Variants in CDKL3 observed in about 807,000 individuals in gnomAD.
CDKL3 encodes the protein cyclin dependent kinase like 3.
CDKL3 carries 65 observed loss-of-function variants against 69.3 expected under a neutral mutation model. The observed-to-expected ratio is 0.94, with a 90% CI of 0.77 to 1.15. CDKL3 has a LOEUF of 1.15. Among genes scored for constraint, CDKL3 ranks in the 50% most tolerant of loss-of-function variants. CDKL3 has a pLI of 0.00. For missense variants in CDKL3, 652 were observed against 689.2 expected (o/e 0.95, Z 0.61); for synonymous variants, 202 against 221.6 (o/e 0.91, Z 0.79).
upstream of CDKL3, chr5:134,371,473 TCGGCGG>T (rs34763898): frequency 4.4e-4 from 503 of 1,143,658 alleles, 2 homozygotes; most frequent in Middle Eastern, 1.2e-3. Context: ...TTTGTCAGTC[TCGGCGG>T]CGGCGGCGGC....
At chr5:134,313,747 T>G (rs60392848) in intron 6 of CDKL3, among the ~76,000 whole-genome samples, 9 of 92,574 alleles carry the variant, frequency 9.7e-5, no homozygotes, top group African/African-American at 7.1e-4. Context: ...TTATGTGGGG[T>G]TTTTTTTTTA....
At chr5:134,296,276 T>C (rs564385552), downstream of CDKL3, among the ~76,000 whole-genome samples, 4 of 152,238 alleles carry the variant, frequency 2.6e-5, no homozygotes, top group South Asian at 4.1e-4. Flanking sequence ...AGGAATTTTA[T>C]TGGTGATACC....
intron 5 of CDKL3, among the ~76,000 whole-genome samples, chr5:134,321,190 T>G (rs1398680441): frequency 6.6e-6 from 1 of 151,718 alleles, no homozygotes; most frequent in African/African-American, 2.4e-5. Context: ...TTTTGTATTT[T>G]TAGTAGAGAT....
Position 134,363,998 on chromosome 5 carries a change from T to C in CDKL3, c.165+2361A>G, listed in dbSNP as rs1378882536. The stretch of plus-strand genomic sequence containing the variant: ...AAAAAAGAGAGAGAAAGAAGGCAAA[T>C]TGATCCATCATATCTCATATAGACT... On this transcript the variant is annotated intron_variant, in intron 2 of 12. Coordinates refer to ENST00000265334, the MANE Select transcript of CDKL3 (RefSeq NM_001113575.2). 2.1e-5 allele frequency among the ~76,000 whole-genome samples: 3 copies of C among 146,176 alleles called. No homozygotes were observed. The East Asian group carries it at 5.9e-4, about 29-fold the overall frequency.
At chr5:134,343,182 G>T (rs573570895) in intron 4 of CDKL3, among the ~76,000 whole-genome samples, 3 of 150,850 alleles carry the variant, frequency 2.0e-5, no homozygotes, top group Admixed American at 1.3e-4. Flanking sequence ...TCCAGCCTGG[G>T]CAACAGAGTG....
At chr5:134,302,417 G>C (rs189601100) in intron 12 of CDKL3, among the ~76,000 whole-genome samples, 173 bp downstream of exon 12, 2 of 152,226 alleles carry the variant, frequency 1.3e-5, no homozygotes, top group African/African-American at 4.8e-5. Flanking sequence ...ATAACTTTTA[G>C]AAACTTTTAT....
At position 134,326,809 on chromosome 5, in the gene CDKL3, A is replaced by G. The variant is rs978592402; in HGVS notation, c.540-4906T>C. ...TTAAAGCGTGTGTGTATATATATAT[A>G]TGTGTGTGTATATATATATATATAT... On this transcript the variant is annotated intron_variant, in intron 4 of 12. Coordinates refer to ENST00000265334, the MANE Select transcript of CDKL3 (RefSeq NM_001113575.2). Among the ~76,000 whole-genome samples the G allele has an allele frequency of 5.6e-4, 71 of 127,726 alleles. 2 individuals are homozygous for G. The highest frequency in any genetic ancestry group is 7.4e-3 in the Middle Eastern group (2 of 272). The allele number at this position is 127,726 out of a possible 152,430, so 83.8% of individuals were successfully genotyped here.
At chr5:134,371,352 G>A (rs1282129269), upstream of CDKL3, 19 of 608,854 alleles carry the variant, frequency 3.1e-5, 1 homozygote, top group South Asian at 2.9e-4. Flanking sequence ...AAGGGCTCGG[G>A]GAAGGCGCGC....
At chr5:134,357,438 CAAAATAAAAT>C (rs71581394) in intron 3 of CDKL3, among the ~76,000 whole-genome samples, 25 of 148,616 alleles carry the variant, frequency 1.7e-4, no homozygotes, top group African/African-American at 3.0e-4. Flanking sequence ...GACTCTGTCT[CAAAATAAAAT>C]AAAATAAAAT....
At chr5:134,310,897 A>C (rs541245732) in intron 7 of CDKL3, among the ~76,000 whole-genome samples, 1 of 152,334 alleles carries the variant, frequency 6.6e-6, no homozygotes, top group East Asian at 1.9e-4. Context: ...TATTTAGTCT[A>C]TCTCCAATAG....
chr5:134,296,680 G>A (rs1765365838), downstream of CDKL3, among the ~76,000 whole-genome samples: 1 of 151,904 alleles, frequency 6.6e-6, no homozygotes, highest in African/African-American at 2.4e-5. Flanking sequence ...AGGCGTGCTG[G>A]CTCATGCTTG....
upstream of CDKL3, among the ~76,000 whole-genome samples, chr5:134,369,585 G>T (rs570121093): frequency 2.5e-4 from 26 of 103,712 alleles, no homozygotes; most frequent in Non-Finnish European, 4.7e-4. Flanking sequence ...AATTACAAGG[G>T]TTTTTTTGGT....
At chr5:134,366,619 T>C (rs1327708148) in intron 1 of CDKL3, 75 bp from the exon 2 acceptor site, 8 of 876,182 alleles carry the variant, frequency 9.1e-6, no homozygotes, top group African/African-American at 8.8e-5. Context: ...AGATAATGCA[T>C]ATCCACAATA....
At chr5:134,320,873 C>CAA (rs879614985) in intron 5 of CDKL3, among the ~76,000 whole-genome samples, 2 of 115,614 alleles carry the variant, frequency 1.7e-5, no homozygotes, top group African/African-American at 6.5e-5. Context: ...GACTCCCTCT[C>CAA]AAAAAAAAAA....
At chr5:134,312,634 C>T (rs1379678861) in intron 6 of CDKL3, among the ~76,000 whole-genome samples, 1 of 152,206 alleles carries the variant, frequency 6.6e-6, no homozygotes, top group Non-Finnish European at 1.5e-5. Context: ...CAGTCTGTTT[C>T]TGCTGAAATT....
intron 4 of CDKL3, among the ~76,000 whole-genome samples, chr5:134,344,248 T>C (rs1330454414): frequency 6.6e-6 from 1 of 152,162 alleles, no homozygotes. Context: ...CAAACAATTT[T>C]GAAATATGAT....
chr5:134,293,114 A>G (rs1765197926), intron 8 of CDKL3, among the ~76,000 whole-genome samples: 1 of 136,734 alleles, frequency 7.3e-6, no homozygotes, highest in South Asian at 2.4e-4. Context: ...TCTGCCTCCC[A>G]GGTTCAAGCA....
At chr5:134,297,884 A>C (rs1765444004), downstream of CDKL3, among the ~76,000 whole-genome samples, 2 of 135,236 alleles carry the variant, frequency 1.5e-5, no homozygotes, top group African/African-American at 2.8e-5. Flanking sequence ...CCCAACCATG[A>C]ATAGTTTGTG....
In CDKL3 at chr5:134,349,540, C is replaced by T. The variant is rs542000813; in HGVS notation, c.539+709G>A. On this transcript the variant is annotated intron_variant, in intron 4 of 12. Transcript: ENST00000265334. The stretch of plus-strand genomic sequence containing the variant: ...CCATTTTTCCAGGAAATGGGAAACT[C>T]GGCAGTTCCTACTGCAACACTAGCA... Among the ~76,000 whole-genome samples, 6 of 152,230 alleles carry T rather than the reference C, an allele frequency of 3.9e-5. No homozygotes were observed. In the East Asian group the frequency reaches 9.7e-4, roughly 25 times the overall value.
Sources: gnomAD v4.1 joint callset for allele counts (sites outside exome capture counted in the v4.1 genomes callset) on GRCh38, gnomAD v4.1.1 for gene constraint, MANE v1.5 for transcripts, NCBI Gene and HGNC (gene_info 2026-07-23, HGNC 2026-07-21) for gene names.